PCDH11X: variants seen among roughly 807,000 people sequenced by gnomAD.
PCDH11X encodes the protein protocadherin-11 X-linked.
PCDH11X carries 18 observed loss-of-function variants against 53.3 expected under a neutral mutation model. The observed-to-expected ratio is 0.34, with a 90% CI of 0.23 to 0.50. The LOEUF is 0.50. Among genes scored for constraint, PCDH11X ranks in the 20% least tolerant of loss-of-function variants. The probability of loss-of-function intolerance (pLI) is 0.98; values close to 1 mark genes in which losing one functional copy is unlikely to be tolerated. For missense variants in PCDH11X, 570 were observed against 1,032.4 expected (o/e 0.55, Z 6.14); for synonymous variants, 279 against 393.3 (o/e 0.71, Z 3.44).
intron 6 of PCDH11X, among the ~76,000 whole-genome samples, chrX:92,065,812 C>T (rs1173940374): frequency 1.9e-5 from 2 of 107,780 alleles, no homozygotes; most frequent in African/African-American, 6.7e-5. Context: ...TCTGGGCTGT[C>T]TCCTCACTTA....
At chrX:92,149,430 A>ACTCT (rs199657624) in intron 6 of PCDH11X, among the ~76,000 whole-genome samples, 954 of 80,336 alleles carry the variant, frequency 0.012, 5 homozygotes, top group African/African-American at 0.039. Flanking sequence ...TCTTTCTCTC[A>ACTCT]CTCTCTCTCT....
intron 8 of PCDH11X, among the ~76,000 whole-genome samples, chrX:92,381,848 C>T (rs1392364710): frequency 9.0e-6 from 1 of 111,046 alleles, no homozygotes; most frequent in Non-Finnish European, 1.9e-5. Context: ...AACATATTTT[C>T]AAATAACAAC....
chrX:92,098,602 C>G (rs1371087669), intron 6 of PCDH11X, among the ~76,000 whole-genome samples: 1 of 101,095 alleles, frequency 9.9e-6, no homozygotes, highest in Non-Finnish European at 2.0e-5. Context: ...ATCCACTGAG[C>G]TGGTTGTGCT....
intron 6 of PCDH11X, among the ~76,000 whole-genome samples, chrX:92,173,048 C>A (rs1269918561): frequency 2.7e-5 from 3 of 111,864 alleles, no homozygotes; most frequent in East Asian, 5.6e-4. Context: ...TCTTCTATGA[C>A]CACATAAAAT....
chrX:92,144,340 C>T (rs1403604024), intron 6 of PCDH11X, among the ~76,000 whole-genome samples: 3 of 109,863 alleles, frequency 2.7e-5, no homozygotes, highest in African/African-American at 1.0e-4. Context: ...CAAATCTCAC[C>T]TTGAATTGTA....
Position 92,424,689 on chromosome X carries a change from T to A in PCDH11X, c.3343+36756T>A, listed in dbSNP as rs1320902008. Among the ~76,000 whole-genome samples, 2 of 97,864 alleles carry A rather than the reference T, an allele frequency of 2.0e-5. 1 individual carries two copies. Among genetic ancestry groups the A allele is most frequent in the Non-Finnish European group, 4.5e-5 (2 of 44,196 alleles). The allele number at this position is 97,864 out of a possible 115,157, so 85.0% of individuals were successfully genotyped here. ...AGGGAGCTTACATTATGGACAAATC[T>A]GTGAGACAAAGGGAAAAATGTATGA... On this transcript the variant is annotated intron_variant, in intron 9 of 10. Transcript: ENST00000682573.
intron 6 of PCDH11X, among the ~76,000 whole-genome samples, chrX:91,947,051 A>G (rs760399363): frequency 1.6e-3 from 164 of 102,273 alleles, no homozygotes; most frequent in African/African-American, 5.6e-3. Context: ...TGGGTAATTA[A>G]TGGTCAGTCA....
At chrX:91,833,353 C>G (rs1438413309) in intron 4 of PCDH11X, among the ~76,000 whole-genome samples, 1 of 109,738 alleles carries the variant, frequency 9.1e-6, no homozygotes, top group Non-Finnish European at 1.9e-5. Flanking sequence ...TATTTTTAAT[C>G]TCACCTTCAT....
At chrX:92,010,690 A>G (rs1354646392) in intron 6 of PCDH11X, among the ~76,000 whole-genome samples, 1 of 110,268 alleles carries the variant, frequency 9.1e-6, no homozygotes, top group African/African-American at 3.3e-5. Context: ...TGAATACTAG[A>G]TAAATCATAA....
At chrX:92,029,309 C>T (rs1466453940) in intron 6 of PCDH11X, among the ~76,000 whole-genome samples, 1 of 111,173 alleles carries the variant, frequency 9.0e-6, no homozygotes, top group East Asian at 2.8e-4. Context: ...ACATAATTAG[C>T]ATTATTTTAT....
chrX:92,116,573 T>C (rs956928381), intron 6 of PCDH11X, among the ~76,000 whole-genome samples: 3 of 112,281 alleles, frequency 2.7e-5, no homozygotes, highest in African/African-American at 9.7e-5. Context: ...TTTTATTTTA[T>C]TTATTGATTT....
intron 6 of PCDH11X, among the ~76,000 whole-genome samples, chrX:92,092,914 A>C (rs192078415): frequency 9.0e-6 from 1 of 110,942 alleles, no homozygotes; most frequent in Non-Finnish European, 1.9e-5. Flanking sequence ...GCGGTTTCTC[A>C]TGGTTTACCA....
At chrX:92,273,643 G>A (rs955688081) in intron 8 of PCDH11X, among the ~76,000 whole-genome samples, 5 of 110,658 alleles carry the variant, frequency 4.5e-5, no homozygotes, top group Admixed American at 9.7e-5. Context: ...ATTAGGGGCG[G>A]CGTGGGAACC....
chrX:92,192,378 C>G (rs781525780), intron 6 of PCDH11X, among the ~76,000 whole-genome samples: 28 of 112,015 alleles, frequency 2.5e-4, no homozygotes, highest in African/African-American at 8.4e-4. Flanking sequence ...GAGTCTCGCT[C>G]TGTCCCCAGG....
At chrX:92,248,466 A>T (rs1203248893) in intron 7 of PCDH11X, among the ~76,000 whole-genome samples, 3 of 111,083 alleles carry the variant, frequency 2.7e-5, no homozygotes, top group Admixed American at 9.6e-5. Context: ...AATAATAAGC[A>T]TACATACTTA....
At position 92,311,422 on chromosome X, in the gene PCDH11X, A is replaced by G. The variant is rs758091938; in HGVS notation, c.3144+48279A>G. On this transcript the variant is annotated intron_variant, in intron 8 of 10. Transcript: ENST00000682573. ...AGTTGATGTGCCATCACCACAGGTA[A>G]TTATTATTTGTATATTTAGTTCTTC... is the stretch of plus-strand genomic sequence containing the variant. Among the ~76,000 whole-genome samples, 6 of 110,420 alleles carry G rather than the reference A, an allele frequency of 5.4e-5. No homozygotes were observed. In the East Asian group the frequency reaches 1.4e-3, roughly 26 times the overall value.
intron 10 of PCDH11X, among the ~76,000 whole-genome samples, chrX:92,564,330 G>GA (rs756662480): frequency 1.4e-4 from 15 of 103,700 alleles, no homozygotes; most frequent in South Asian, 9.0e-4. Context: ...GAGCCAAAAG[G>GA]AAAAAAATGG....
intron 10 of PCDH11X, among the ~76,000 whole-genome samples, chrX:92,537,298 T>TC (rs1238529414): frequency 2.8e-5 from 3 of 108,193 alleles, no homozygotes; most frequent in African/African-American, 6.7e-5. Context: ...CTGAAGATTT[T>TC]CCCCCCCAAA....
intron 8 of PCDH11X, among the ~76,000 whole-genome samples, chrX:92,271,395 A>G (rs2067954508): frequency 8.9e-6 from 1 of 112,059 alleles, no homozygotes; most frequent in Non-Finnish European, 1.9e-5. Context: ...AAAAGGCACA[A>G]ACAAAGCAAG....
Sources: allele counts gnomAD v4.1 joint callset (sites outside exome capture counted in the v4.1 genomes callset), GRCh38; gene constraint gnomAD v4.1.1; transcripts MANE v1.5; gene names NCBI Gene and HGNC (gene_info 2026-07-23, HGNC 2026-07-21).